Variants in ENOX1 observed in about 807,000 individuals in gnomAD.
ENOX1 encodes ecto-NOX disulfide-thiol exchanger 1.
Under a neutral mutation model 82.5 loss-of-function variants are expected in ENOX1, and 42 were observed. The ratio of observed to expected loss-of-function variants is 0.51; its 90% confidence interval spans 0.40 to 0.66. The LOEUF (loss-of-function observed/expected upper bound fraction) is 0.66, where lower values mean the gene tolerates loss of function less well. Among genes scored for constraint, ENOX1 ranks in the 30% least tolerant of loss-of-function variants. The pLI, the probability that ENOX1 is intolerant of heterozygous loss-of-function variation, is 0.00. For missense variants in ENOX1, 608 were observed against 811.6 expected (o/e 0.75, Z 3.05); for synonymous variants, 271 against 282.2 (o/e 0.96, Z 0.40).
intron 1 of ENOX1, among the ~76,000 whole-genome samples, chr13:43,724,523 T>TACCTATGCACAAGG: frequency 6.6e-6 from 1 of 152,236 alleles, no homozygotes; most frequent in African/African-American, 2.4e-5. Context: ...TATTTGCCTG[T>TACCTATGCACAAGG]ACCTATGCAC....
chr13:43,667,278 G>C (rs982824054), intron 2 of ENOX1, among the ~76,000 whole-genome samples: 1 of 152,176 alleles, frequency 6.6e-6, no homozygotes, highest in African/African-American at 2.4e-5. Flanking sequence ...GCTGTTTACA[G>C]AGGCCCTGTC....
chr13:43,237,110 A>G (rs2042586238), intron 14 of ENOX1, among the ~76,000 whole-genome samples: 1 of 152,236 alleles, frequency 6.6e-6, no homozygotes, highest in African/African-American at 2.4e-5. Context: ...CAGGAAACTG[A>G]TTTATAATAC....
intron 1 of ENOX1, among the ~76,000 whole-genome samples, chr13:43,782,272 C>G (rs564665715): frequency 3.9e-5 from 6 of 152,198 alleles, no homozygotes; most frequent in Non-Finnish European, 8.8e-5. Context: ...TTTAACATCA[C>G]ACTATGCAAG....
At chr13:43,601,512 C>A (rs112506952) in intron 2 of ENOX1, among the ~76,000 whole-genome samples, 1 of 151,684 alleles carries the variant, frequency 6.6e-6, no homozygotes, top group Non-Finnish European at 1.5e-5. Context: ...AAAAAAGAAT[C>A]GAAAAGAATG....
intron 2 of ENOX1, among the ~76,000 whole-genome samples, chr13:43,665,508 G>T (rs1447210410): frequency 2.6e-5 from 4 of 152,124 alleles, no homozygotes; most frequent in Non-Finnish European, 5.9e-5. Flanking sequence ...AGAAGAGAAT[G>T]TTAAATTTAA....
At chr13:43,435,072 C>T (rs879380400) in intron 3 of ENOX1, among the ~76,000 whole-genome samples, 1 of 150,336 alleles carries the variant, frequency 6.7e-6, no homozygotes, top group Non-Finnish European at 1.5e-5. Context: ...ACGCAGAAGA[C>T]GGACTTGACA....
intron 15 of ENOX1, among the ~76,000 whole-genome samples, chr13:43,226,642 C>A (rs543785319): frequency 3.3e-5 from 5 of 152,302 alleles, no homozygotes; most frequent in African/African-American, 1.2e-4. Context: ...ATGGCCACTG[C>A]TTTCCACAGA....
At chr13:43,270,558 G>C (rs2044626452) in intron 12 of ENOX1, among the ~76,000 whole-genome samples, 1 of 152,130 alleles carries the variant, frequency 6.6e-6, no homozygotes, top group Non-Finnish European at 1.5e-5. Flanking sequence ...AACCATCAAA[G>C]CCTGGAGAAA....
intron 11 of ENOX1, among the ~76,000 whole-genome samples, chr13:43,302,272 T>A (rs2046624000): frequency 6.6e-6 from 1 of 152,190 alleles, no homozygotes; most frequent in Admixed American, 6.5e-5. Flanking sequence ...CCGGACTGAA[T>A]GTGATTAAAT....
At chr13:43,348,636 C>T (rs770220632) in intron 8 of ENOX1, among the ~76,000 whole-genome samples, 6 of 152,166 alleles carry the variant, frequency 3.9e-5, no homozygotes, top group Admixed American at 6.5e-5. Flanking sequence ...ATGAATCATC[C>T]CTTTGTCCAG....
At chr13:43,534,483 C>T (rs993938037) in intron 2 of ENOX1, among the ~76,000 whole-genome samples, 3 of 152,106 alleles carry the variant, frequency 2.0e-5, no homozygotes, top group Non-Finnish European at 2.9e-5. Context: ...AACAACTGTT[C>T]GCTACCCCAT....
intron 1 of ENOX1, among the ~76,000 whole-genome samples, chr13:43,758,458 G>A (rs1950775218): frequency 1.2e-5 from 1 of 82,440 alleles, no homozygotes; most frequent in Non-Finnish European, 3.2e-5. Flanking sequence ...TCTGTTGCCA[G>A]TTCACAGACA....
At chr13:43,601,339 G>A (rs1363331380) in intron 2 of ENOX1, among the ~76,000 whole-genome samples, 1 of 152,046 alleles carries the variant, frequency 6.6e-6, no homozygotes, top group South Asian at 2.1e-4. Flanking sequence ...CAAAGAGACT[G>A]AAATAATTAA....
At chr13:43,706,173 A>G (rs1243470594) in intron 1 of ENOX1, among the ~76,000 whole-genome samples, 1 of 152,044 alleles carries the variant, frequency 6.6e-6, no homozygotes, top group Non-Finnish European at 1.5e-5. Flanking sequence ...AGATTTAAAA[A>G]GCTTATATTT....
intron 5 of ENOX1, among the ~76,000 whole-genome samples, chr13:43,380,632 A>G (rs1202280286): frequency 6.6e-6 from 1 of 151,806 alleles, no homozygotes; most frequent in Non-Finnish European, 1.5e-5. Context: ...ATCAGATTGG[A>G]TATAAAAACT....
chr13:43,665,671 C>T (rs577623136), intron 2 of ENOX1, among the ~76,000 whole-genome samples: 15 of 151,798 alleles, frequency 9.9e-5, no homozygotes, highest in Admixed American at 2.6e-4. Context: ...GACAGCAGTA[C>T]CGGCTCACAC....
chr13:43,565,007 G>A (rs1411652806), intron 2 of ENOX1, among the ~76,000 whole-genome samples: 1 of 152,130 alleles, frequency 6.6e-6, no homozygotes, highest in East Asian at 1.9e-4. Context: ...ACTCTCGTGA[G>A]GCTTCTACTT....
At chr13:43,549,360 T>C (rs779570907) in intron 2 of ENOX1, among the ~76,000 whole-genome samples, 1 of 152,196 alleles carries the variant, frequency 6.6e-6, no homozygotes, top group Admixed American at 6.5e-5. Context: ...ACCTAGTCAA[T>C]AGAATTCAAA....
chr13:43,482,573 C>G (rs1284638261), intron 3 of ENOX1, among the ~76,000 whole-genome samples: 1 of 150,126 alleles, frequency 6.7e-6, no homozygotes, highest in African/African-American at 2.5e-5. Flanking sequence ...AGAGAGTTAA[C>G]AACACTAAAG....
Sources: gnomAD v4.1 joint callset for allele counts (sites outside exome capture counted in the v4.1 genomes callset) on GRCh38, gnomAD v4.1.1 for gene constraint, MANE v1.5 for transcripts, NCBI Gene and HGNC (gene_info 2026-07-23, HGNC 2026-07-21) for gene names.